Variants in RBM19 observed in about 807,000 individuals in gnomAD.
RBM19 encodes the protein RNA binding motif protein 19.
RBM19 carries 94 observed loss-of-function variants against 116.8 expected under a neutral mutation model. The ratio of observed to expected loss-of-function variants is 0.80; its 90% CI spans 0.68 to 0.95. The LOEUF (loss-of-function observed/expected upper bound fraction) is 0.95. RBM19 is among the 40% of genes least tolerant of loss of function. RBM19 has a pLI of 0.00. For missense variants in RBM19, 1,161 were observed against 1,220.7 expected, an observed-to-expected ratio of 0.95 and a Z score of 0.73; for synonymous variants, 475 against 494.1, an observed-to-expected ratio of 0.96 and a Z score of 0.51.
chr12:113,914,915 G>C (rs73397055), intron 21 of RBM19, 54 bp downstream of exon 21: 1 of 1,493,790 alleles, frequency 6.7e-7, no homozygotes, highest in Non-Finnish European at 9.3e-7. Flanking sequence ...CCTGAGACTC[G>C]GGCAGGCTCC....
intron 21 of RBM19, among the ~76,000 whole-genome samples, chr12:113,866,257 C>T (rs928083939): frequency 6.6e-6 from 1 of 152,128 alleles, no homozygotes; most frequent in Non-Finnish European, 1.5e-5. Flanking sequence ...ACGCAATATT[C>T]CCTTTCATTT....
chr12:113,901,387 A>T (rs1287152434), intron 21 of RBM19, among the ~76,000 whole-genome samples: 1 of 152,128 alleles, frequency 6.6e-6, no homozygotes, highest in African/African-American at 2.4e-5. Context: ...TAAAGCCTAG[A>T]GGATTCTACC....
At chr12:113,907,415 T>G (rs1882136087) in intron 21 of RBM19, among the ~76,000 whole-genome samples, 1 of 152,072 alleles carries the variant, frequency 6.6e-6, no homozygotes, top group Admixed American at 6.5e-5. Flanking sequence ...GCCAGGGGAA[T>G]AAATCTGCAT....
chr12:113,855,363 A>G (rs4767147), intron 22 of RBM19, among the ~76,000 whole-genome samples: 10,043 of 152,240 alleles, frequency 0.066, 647 homozygotes, highest in East Asian at 0.34. Context: ...TTCCAGCCTC[A>G]ACTTCTACAA....
rs1872573169 is a variant in RBM19 at position 113,962,319 on chromosome 12, A to G, written c.132T>C (p.Phe44=). 1.2e-6 allele frequency: 2 copies of G among 1,614,246 alleles called. No homozygotes were observed. The highest frequency in any genetic ancestry group is 2.2e-5 in the East Asian group (1 of 44,878). ...CCTCGGACTTGAAGCCAATAAAACC[A>G]AACTTGCGGAACTTGCCATCTTTGG... The part of the protein sequence containing the change: ...KFTKDGKFRK[F]GFIGFKSEEE... The change falls in exon 2 of 24, where the codon TTT becomes TTC. Residue 44 remains phenylalanine (F), a synonymous_variant. Coordinates refer to ENST00000261741, the MANE Select transcript of RBM19 (RefSeq NM_016196.4).
At chr12:113,877,663 C>A (rs918848695) in intron 21 of RBM19, among the ~76,000 whole-genome samples, 1 of 152,194 alleles carries the variant, frequency 6.6e-6, no homozygotes, top group South Asian at 2.1e-4. Context: ...TATGAGCAGG[C>A]AGCAACGAAA....
chr12:113,947,605 G>T, intron 10 of RBM19, 141 bp from the exon 11 acceptor site: 1 of 874,444 alleles, frequency 1.1e-6, no homozygotes, highest in Non-Finnish European at 1.6e-6. Flanking sequence ...TATCCTAACA[G>T]CAACAATACC....
intron 20 of RBM19, among the ~76,000 whole-genome samples, chr12:113,916,166 T>G (rs1261216849): frequency 6.6e-6 from 1 of 152,162 alleles, no homozygotes; most frequent in Non-Finnish European, 1.5e-5. Context: ...ATCCCAACAC[T>G]TTGGGAGGCT....
At chr12:113,827,855 C>T (rs979961737) in intron 23 of RBM19, among the ~76,000 whole-genome samples, 1 of 151,940 alleles carries the variant, frequency 6.6e-6, no homozygotes, top group African/African-American at 2.4e-5. Flanking sequence ...CCTCTCTGGG[C>T]TCCTCTCAGT....
chr12:113,818,524 G>A (rs905316785), downstream of RBM19, among the ~76,000 whole-genome samples: 3 of 152,206 alleles, frequency 2.0e-5, no homozygotes, highest in African/African-American at 7.2e-5. Flanking sequence ...CATCTGCTGG[G>A]TGCAGCCCCA....
intron 2 of RBM19, among the ~76,000 whole-genome samples, chr12:113,961,965 G>T (rs1184686313): frequency 5.9e-5 from 9 of 152,268 alleles, no homozygotes; most frequent in Admixed American, 5.9e-4. Flanking sequence ...CAGCAGCATG[G>T]TCGTCACCTG....
chr12:113,949,677 T>C (rs1871317320), intron 9 of RBM19, among the ~76,000 whole-genome samples: 1 of 152,186 alleles, frequency 6.6e-6, no homozygotes, highest in Non-Finnish European at 1.5e-5. Flanking sequence ...CTGTTCCCTC[T>C]ACTGAACATC....
At chr12:113,843,238 T>A (rs1284336169) in intron 23 of RBM19, among the ~76,000 whole-genome samples, 1 of 152,134 alleles carries the variant, frequency 6.6e-6, no homozygotes, top group African/African-American at 2.4e-5. Context: ...CCAGGTTCCA[T>A]GTCTACGCAG....
chr12:113,883,090 G>T (rs1880265844), intron 21 of RBM19, among the ~76,000 whole-genome samples: 1 of 152,216 alleles, frequency 6.6e-6, no homozygotes, highest in Non-Finnish European at 1.5e-5. Flanking sequence ...GAGAGAGGTT[G>T]TAGGGAACGA....
At position 113,943,238 on chromosome 12, in the gene RBM19, C is replaced by T. The variant is rs2135912343; in HGVS notation, c.1627-804G>A. On this transcript the variant is annotated intron_variant, in intron 13 of 23. Coordinates refer to ENST00000261741, the MANE Select transcript of RBM19 (RefSeq NM_016196.4). ...GCTAATGTGTCAGTGTCTTTTCCCT[C>T]ATCGGAAAGCACCAGAGGAACCTCA... Among the ~76,000 whole-genome samples, 2 of 152,340 alleles carry T rather than the reference C, an allele frequency of 1.3e-5. 1 individual carries two copies. The highest frequency in any genetic ancestry group is 4.1e-4 in the South Asian group (2 of 4,826).
chr12:113,862,453 G>GA (rs199823885), intron 21 of RBM19, among the ~76,000 whole-genome samples: 3 of 150,054 alleles, frequency 2.0e-5, no homozygotes, highest in East Asian at 1.9e-4. Context: ...GAATTAAAAA[G>GA]AAAAAAAAAG....
chr12:113,867,217 C>A (rs1178881021), intron 21 of RBM19, among the ~76,000 whole-genome samples: 1 of 152,226 alleles, frequency 6.6e-6, no homozygotes, highest in African/African-American at 2.4e-5. Context: ...CAGCATCTAC[C>A]TCAGATGTGA....
intron 8 of RBM19, among the ~76,000 whole-genome samples, chr12:113,951,260 C>A (rs1399760717): frequency 6.6e-6 from 1 of 152,166 alleles, no homozygotes; most frequent in Non-Finnish European, 1.5e-5. Flanking sequence ...TGCTTTTCAA[C>A]ATTTCATGCT....
chr12:113,963,762 G>A (rs113791768), intron 1 of RBM19, among the ~76,000 whole-genome samples: 55 of 152,268 alleles, frequency 3.6e-4, no homozygotes, highest in South Asian at 3.1e-3. Context: ...TCTCAAGGAC[G>A]AGCACCTAAA....
Sources: gnomAD v4.1 joint callset for allele counts (sites outside exome capture counted in the v4.1 genomes callset) on GRCh38, gnomAD v4.1.1 for gene constraint, MANE v1.5 for transcripts, NCBI Gene and HGNC (gene_info 2026-07-23, HGNC 2026-07-21) for gene names.